Variants in TCERG1L observed in about 807,000 individuals in gnomAD.
TCERG1L encodes the protein transcription elongation regulator 1 like, also known as transcription elongation regulator 1-like protein.
Under a neutral mutation model 56.3 loss-of-function variants are expected in TCERG1L, and 37 were observed. The ratio of observed to expected loss-of-function variants is 0.66; its 90% CI spans 0.51 to 0.87. TCERG1L has a LOEUF of 0.87. TCERG1L is among the 40% of genes least tolerant of loss of function. The probability of loss-of-function intolerance (pLI) is 0.00; values close to 1 mark genes in which losing one functional copy is unlikely to be tolerated. For missense variants in TCERG1L, 799 were observed against 774.2 expected (o/e 1.03, Z -0.38); for synonymous variants, 324 against 326.3 (o/e 0.99, Z 0.08).
chr10:131,133,657 A>G (rs1845642770), intron 8 of TCERG1L, among the ~76,000 whole-genome samples: 1 of 152,092 alleles, frequency 6.6e-6, no homozygotes. Flanking sequence ...GAACTTAAAC[A>G]CACACTTCCA....
intron 7 of TCERG1L, among the ~76,000 whole-genome samples, chr10:131,137,359 C>T (rs1452594995): frequency 1.3e-5 from 2 of 152,230 alleles, no homozygotes; most frequent in East Asian, 1.9e-4. Flanking sequence ...CCCTCCTGGT[C>T]GTTCCTCCCT....
chr10:131,173,692 G>A (rs750122349), intron 4 of TCERG1L, among the ~76,000 whole-genome samples: 1 of 152,240 alleles, frequency 6.6e-6, no homozygotes, highest in Non-Finnish European at 1.5e-5. Context: ...GGGGCCTGAG[G>A]GGCTCTTGAA....
At chr10:131,285,429 A>AGAGAG (rs1564833809) in intron 3 of TCERG1L, among the ~76,000 whole-genome samples, 1 of 73,192 alleles carries the variant, frequency 1.4e-5, no homozygotes, top group Non-Finnish European at 2.7e-5. Flanking sequence ...GAGAGAGAGA[A>AGAGAG]AGAGAGAAAG....
intron 4 of TCERG1L, among the ~76,000 whole-genome samples, chr10:131,241,321 G>A (rs1190377386): frequency 1.3e-5 from 2 of 152,156 alleles, no homozygotes; most frequent in Non-Finnish European, 2.9e-5. Context: ...AAGTCAAAGA[G>A]GCAAACACAG....
intron 3 of TCERG1L, among the ~76,000 whole-genome samples, chr10:131,266,970 G>A (rs1254240812): frequency 6.6e-6 from 1 of 152,070 alleles, no homozygotes; most frequent in Non-Finnish European, 1.5e-5. Context: ...GAGAGGGCCT[G>A]GAAAAGGCAC....
chr10:131,099,997 G>A (rs1845289605), intron 10 of TCERG1L, among the ~76,000 whole-genome samples: 1 of 152,072 alleles, frequency 6.6e-6, no homozygotes, highest in Non-Finnish European at 1.5e-5. Context: ...CCAAGTAGCT[G>A]GGACTATAGG....
intron 4 of TCERG1L, among the ~76,000 whole-genome samples, chr10:131,246,711 CA>C (rs1370131996): frequency 6.6e-6 from 1 of 151,574 alleles, no homozygotes; most frequent in Non-Finnish European, 1.5e-5. Flanking sequence ...AAGTCCGTAG[CA>C]AAGGAGCTTG....
intron 8 of TCERG1L, among the ~76,000 whole-genome samples, chr10:131,125,445 T>C (rs1419521338): frequency 6.6e-6 from 1 of 152,240 alleles, no homozygotes; most frequent in African/African-American, 2.4e-5. Context: ...AGACACAATG[T>C]GAAATTCTGC....
chr10:131,238,951 C>T (rs1165570705), intron 4 of TCERG1L, among the ~76,000 whole-genome samples: 1 of 152,244 alleles, frequency 6.6e-6, no homozygotes, highest in Non-Finnish European at 1.5e-5. Context: ...GGTGTGCCTG[C>T]TGCTCTCCTG....
At chr10:131,148,451 CAT>C (rs915420069) in intron 6 of TCERG1L, among the ~76,000 whole-genome samples, 3 of 149,716 alleles carry the variant, frequency 2.0e-5, no homozygotes, top group African/African-American at 7.3e-5. Context: ...GAGATACACA[CAT>C]AAACACACAC....
At chr10:131,254,087 G>C (rs148970496) in intron 4 of TCERG1L, among the ~76,000 whole-genome samples, 25 of 152,250 alleles carry the variant, frequency 1.6e-4, no homozygotes, top group African/African-American at 5.3e-4. Flanking sequence ...GAGACACCAG[G>C]GGGTGGAGGA....
At position 131,118,097 on chromosome 10, in the gene TCERG1L, G is replaced by A. The variant is rs975601302; in HGVS notation, c.1260-1163C>T. Among the ~76,000 whole-genome samples the A allele has an allele frequency of 1.5e-4, 23 of 152,158 alleles. No homozygotes were observed. Among genetic ancestry groups the A allele is most frequent in the African/African-American group, 5.5e-4 (23 of 41,450 alleles). ...CCTCGTGGGCCTGCTCCCTGGCCTG[G>A]CCCTGCTCCCACACCTGCCCACGGC... On this transcript the variant is annotated intron_variant, in intron 8 of 11. Transcript: ENST00000368642. The surrounding 1 kb of genome is among the most constrained non-coding windows in gnomAD (Gnocchi z 4.2).
chr10:131,295,415 T>C (rs768164456), intron 3 of TCERG1L, among the ~76,000 whole-genome samples: 2 of 152,250 alleles, frequency 1.3e-5, no homozygotes, highest in South Asian at 2.1e-4. Context: ...CAGCAAGTTA[T>C]GAAAACTTCA....
chr10:131,256,999 AAG>A (rs1846177237), intron 4 of TCERG1L, among the ~76,000 whole-genome samples: 2 of 96,046 alleles, frequency 2.1e-5, no homozygotes, highest in African/African-American at 3.7e-5. Context: ...GAAGGAAAGA[AAG>A]AAAGAAAGAA....
chr10:131,186,401 TAGACATACAGATTATCAATC>T (rs1051034091), intron 4 of TCERG1L, among the ~76,000 whole-genome samples: 2 of 152,106 alleles, frequency 1.3e-5, no homozygotes, highest in Non-Finnish European at 2.9e-5. Flanking sequence ...GTAATAAAAA[TAGACATACAGATTATCAATC>T]CAGGAAGTTG....
At chr10:131,236,300 C>T (rs1410751977) in intron 4 of TCERG1L, among the ~76,000 whole-genome samples, 1 of 152,220 alleles carries the variant, frequency 6.6e-6, no homozygotes, top group African/African-American at 2.4e-5. Flanking sequence ...CGTAAATTAG[C>T]TATTGCTACC....
intron 4 of TCERG1L, among the ~76,000 whole-genome samples, chr10:131,194,885 G>A (rs754312788): frequency 1.3e-5 from 2 of 152,114 alleles, no homozygotes; most frequent in African/African-American, 4.8e-5. Context: ...ATATGTTTTT[G>A]CCTGTATATA....
chr10:131,279,583 C>T (rs1004133052), intron 3 of TCERG1L, among the ~76,000 whole-genome samples: 7 of 152,160 alleles, frequency 4.6e-5, no homozygotes, highest in Non-Finnish European at 8.8e-5. Context: ...CCATCCAAGG[C>T]GCCCAGATGA....
chr10:131,186,291 G>A (rs1845245035), intron 4 of TCERG1L, among the ~76,000 whole-genome samples: 1 of 152,200 alleles, frequency 6.6e-6, no homozygotes, highest in Admixed American at 6.5e-5. Flanking sequence ...GGAGGTGGTG[G>A]TTGAGCAACA....
Sources: allele counts gnomAD v4.1 joint callset (sites outside exome capture counted in the v4.1 genomes callset), GRCh38; gene constraint gnomAD v4.1.1; non-coding constraint Gnocchi (gnomAD v3.1); transcripts MANE v1.5; gene names NCBI Gene and HGNC (gene_info 2026-07-23, HGNC 2026-07-21).